The following MGST1 variants were observed in gnomAD, a reference collection of about 807,000 sequenced individuals.
MGST1 encodes microsomal glutathione S-transferase 1.
In MGST1, 5 loss-of-function variants were observed where a neutral mutation model predicts 8.9. That is an observed-to-expected ratio of 0.56 (90% confidence interval 0.29 to 1.19). The LOEUF (loss-of-function observed/expected upper bound fraction) is 1.19. Ranked by LOEUF, MGST1 falls within the 50% of genes most tolerant of loss-of-function variation. The pLI is 0.08. For synonymous variants in MGST1, 54 were observed against 67.8 expected (o/e 0.80, Z 1.00); for missense variants, 182 against 187.4 (o/e 0.97, Z 0.17).
In MGST1 at chr12:16,547,941, A is replaced by G. The variant is rs144049679; in HGVS notation, n.483-41587A>G. 4.3e-3 allele frequency among the ~76,000 whole-genome samples: 650 copies of G among 152,334 alleles called. 9 individuals carry two copies. The highest frequency in any genetic ancestry group is 9.5e-3 in the Admixed American group (146 of 15,294). On this transcript the variant is annotated intron_variant and non_coding_transcript_variant, in intron 4 of 4. Transcript: ENST00000538857. The surrounding 1 kb of genome is among the most constrained non-coding windows in gnomAD (Gnocchi z 4.6). ...AAAACACTTTTGCATGGCATGTTTT[A>G]CTACAGATATAATTTTCAGTGCCCT...
rs531182294 is a variant in MGST1, at chr12:16,475,643, A to G, written n.482+92039A>G. 4.6e-5 allele frequency among the ~76,000 whole-genome samples: 7 copies of G among 152,324 alleles called. No homozygotes were observed. The South Asian group carries it at 1.5e-3, about 32-fold the overall frequency. ...GTGGAGTAGATAGCAATTCAGCTGC[A>G]TAGAAATATGGTTGGCTGGGCTCAT... On this transcript the variant is annotated intron_variant and non_coding_transcript_variant, in intron 4 of 4. Coordinates refer to the MGST1 transcript ENST00000538857.
Position 16,400,962 on chromosome 12 carries a change from C to T in MGST1, n.778+17358C>T, listed in dbSNP as rs987192332. On this transcript the variant is annotated intron_variant and non_coding_transcript_variant, in intron 1 of 1. Coordinates refer to the MGST1 transcript ENST00000359720. ...TGTTCAGTCAGTCACCTCTTTGCTT[C>T]TTCATTGAGTTGAGCCACTAGTTCT... 3 of 1,394,248 alleles carry T rather than the reference C, an allele frequency of 2.2e-6. No individual in the cohort carries two copies. The African/African-American group carries it at 4.3e-5, about 20-fold the overall frequency. The allele number at this position is 1,394,248 out of a possible 1,614,324, so 86.4% of individuals were successfully genotyped here. A position where few individuals can be genotyped will look rare whatever the true frequency, so the allele number is the denominator to read the frequency against.
intron 4 of MGST1, among the ~76,000 whole-genome samples, chr12:16,531,242 A>C (rs1462502277): frequency 6.7e-6 from 1 of 150,160 alleles, no homozygotes; most frequent in Non-Finnish European, 1.5e-5. Flanking sequence ...AAAAAACCTA[A>C]TTTTCAAAAC....
At chr12:16,556,467 T>C (rs975150426) in intron 4 of MGST1, among the ~76,000 whole-genome samples, 2 of 152,236 alleles carry the variant, frequency 1.3e-5, no homozygotes, top group African/African-American at 4.8e-5. Context: ...TGCTACTTTT[T>C]AAAACATTCA....
chr12:16,583,521 A>T (rs1416727027), intron 4 of MGST1, among the ~76,000 whole-genome samples: 1 of 152,222 alleles, frequency 6.6e-6, no homozygotes, highest in Non-Finnish European at 1.5e-5. Context: ...GGAGCCAAGG[A>T]CATAAAATTG....
chr12:16,380,710 G>A (rs1940444935), downstream of MGST1, among the ~76,000 whole-genome samples: 1 of 152,152 alleles, frequency 6.6e-6, no homozygotes, highest in South Asian at 2.1e-4. Flanking sequence ...TTAACTTTCT[G>A]TCTTGTTGAT....
intron 4 of MGST1, among the ~76,000 whole-genome samples, chr12:16,488,257 C>G (rs1941413452): frequency 6.6e-6 from 1 of 152,080 alleles, no homozygotes. Context: ...CTCCAAGCCC[C>G]TGTTTAAATT....
chr12:16,350,705 C>T, intron 1 of MGST1: 1 of 152,194 alleles, frequency 6.6e-6, no homozygotes, highest in South Asian at 2.1e-4. Context: ...ACTACTATTT[C>T]TTAATGTTCT....
At chr12:16,400,004 C>G in intron 1 of MGST1, 1 of 1,504,552 alleles carries the variant, frequency 6.6e-7, no homozygotes, top group Non-Finnish European at 9.3e-7. Context: ...CTGTAGGGAG[C>G]TCTGTTAAAT....
At chr12:16,449,663 A>G (rs955069768) in intron 4 of MGST1, among the ~76,000 whole-genome samples, 7 of 151,970 alleles carry the variant, frequency 4.6e-5, no homozygotes, top group African/African-American at 9.7e-5. Flanking sequence ...TGTGATGCCA[A>G]TAGGGGGCCC....
chr12:16,558,857 T>A (rs1942287913), intron 4 of MGST1, among the ~76,000 whole-genome samples: 1 of 152,204 alleles, frequency 6.6e-6, no homozygotes, highest in African/African-American at 2.4e-5. Context: ...ACATTTAATA[T>A]AAATTAATTA....
chr12:16,418,412 G>A (rs1162477335), intron 1 of MGST1, among the ~76,000 whole-genome samples: 1 of 152,116 alleles, frequency 6.6e-6, no homozygotes, highest in African/African-American at 2.4e-5. Context: ...TGGAAGTTGG[G>A]AATGGCTAAC....
intron 4 of MGST1, among the ~76,000 whole-genome samples, chr12:16,460,409 C>G (rs1018412190): frequency 6.6e-6 from 1 of 152,002 alleles, no homozygotes; most frequent in African/African-American, 2.4e-5. Flanking sequence ...GTGTGCTATC[C>G]AAAACATAGA....
intron 4 of MGST1, among the ~76,000 whole-genome samples, chr12:16,454,267 A>G (rs1941152058): frequency 6.6e-6 from 1 of 151,916 alleles, no homozygotes; most frequent in African/African-American, 2.4e-5. Flanking sequence ...CTGGTAGGCA[A>G]ATTACTTTGT....
At chr12:16,536,082 AGTGTGTGTGTGTGT>A (rs10579042) in intron 4 of MGST1, among the ~76,000 whole-genome samples, 3 of 145,324 alleles carry the variant, frequency 2.1e-5, no homozygotes, top group East Asian at 2.0e-4. Flanking sequence ...GGTGTGTGTG[AGTGTGTGTGTGTGT>A]GTGTGTGTGT....
At chr12:16,512,236 A>T (rs1941581898) in intron 4 of MGST1, among the ~76,000 whole-genome samples, 1 of 152,034 alleles carries the variant, frequency 6.6e-6, no homozygotes, top group African/African-American at 2.4e-5. Context: ...GTGGGTATGG[A>T]TGGTGGGGAA....
intron 4 of MGST1, among the ~76,000 whole-genome samples, chr12:16,531,189 A>G (rs1316624417): frequency 6.8e-6 from 1 of 147,140 alleles, no homozygotes; most frequent in Non-Finnish European, 1.5e-5. Flanking sequence ...AAAAGTAATG[A>G]TCATGGTGAG....
At chr12:16,542,570 T>A (rs1188556368) in intron 4 of MGST1, among the ~76,000 whole-genome samples, 2 of 152,160 alleles carry the variant, frequency 1.3e-5, no homozygotes, top group Non-Finnish European at 2.9e-5. Context: ...TTCTTCATTG[T>A]TCCTTTCACG....
At chr12:16,444,130 A>G (rs1357279374) in intron 4 of MGST1, among the ~76,000 whole-genome samples, 2 of 150,632 alleles carry the variant, frequency 1.3e-5, no homozygotes, top group African/African-American at 4.9e-5. Context: ...GTTTGCTTGG[A>G]CCAACACTGA....
Sources: gnomAD v4.1 joint callset for allele counts (sites outside exome capture counted in the v4.1 genomes callset) on GRCh38, gnomAD v4.1.1 for gene constraint, Gnocchi (gnomAD v3.1) non-coding constraint, MANE v1.5 for transcripts, NCBI Gene and HGNC (gene_info 2026-07-23, HGNC 2026-07-21) for gene names.